Variants in CDH13 observed in about 807,000 individuals in gnomAD.
CDH13 encodes cadherin 13, also known as cadherin-13.
CDH13 carries 24 observed loss-of-function variants against 63.8 expected under a neutral mutation model. The ratio of observed to expected loss-of-function variants is 0.38; its 90% confidence interval spans 0.27 to 0.53. The LOEUF (loss-of-function observed/expected upper bound fraction) is 0.53, where lower values mean the gene tolerates loss of function less well. CDH13 is among the 20% of genes least tolerant of loss of function. The probability of loss-of-function intolerance (pLI) is 0.85; values close to 1 mark genes in which losing one functional copy is unlikely to be tolerated. For missense variants in CDH13, 1,049 were observed against 903.1 expected (o/e 1.16, Z -2.07); for synonymous variants, 503 against 355.3 (o/e 1.42, Z -4.67).
At chr16:83,189,733 A>G (rs540188275) in intron 4 of CDH13, among the ~76,000 whole-genome samples, 1 of 152,304 alleles carries the variant, frequency 6.6e-6, no homozygotes, top group Admixed American at 6.5e-5. Flanking sequence ...ATTAAAGGCA[A>G]GAGGAATCTT....
At chr16:83,667,038 GATGA>G (rs1914040256) in intron 8 of CDH13, among the ~76,000 whole-genome samples, 2 of 150,332 alleles carry the variant, frequency 1.3e-5, no homozygotes, top group African/African-American at 2.4e-5. Context: ...TGGGTGGATG[GATGA>G]ATGGAAGGAT....
At chr16:83,660,900 G>T (rs1275390985) in intron 8 of CDH13, among the ~76,000 whole-genome samples, 1 of 150,942 alleles carries the variant, frequency 6.6e-6, no homozygotes, top group Non-Finnish European at 1.5e-5. Context: ...AACGTCCAAT[G>T]AAATAAAGTA....
At chr16:82,848,043 A>C (rs1354455222) in intron 1 of CDH13, among the ~76,000 whole-genome samples, 1 of 152,212 alleles carries the variant, frequency 6.6e-6, no homozygotes, top group Non-Finnish European at 1.5e-5. Flanking sequence ...GCATTTATGC[A>C]GATTAAATAG....
intron 2 of CDH13, among the ~76,000 whole-genome samples, chr16:82,874,670 A>G (rs911561782): frequency 1.3e-5 from 2 of 152,224 alleles, no homozygotes; most frequent in Admixed American, 6.5e-5. Context: ...TTGATTCTGA[A>G]TAACATAAAA....
intron 2 of CDH13, among the ~76,000 whole-genome samples, chr16:82,976,753 A>G (rs1320281051): frequency 6.6e-6 from 1 of 152,196 alleles, no homozygotes; most frequent in East Asian, 1.9e-4. Flanking sequence ...GCTGAGCACG[A>G]AAATGCACTA....
chr16:83,358,436 A>G (rs1000376250), intron 6 of CDH13, among the ~76,000 whole-genome samples: 2 of 152,148 alleles, frequency 1.3e-5, no homozygotes, highest in African/African-American at 4.8e-5. Context: ...ATAAGACCTG[A>G]TTCTGTTGCC....
chr16:83,519,535 T>A (rs1249231665), intron 7 of CDH13, among the ~76,000 whole-genome samples: 1 of 152,252 alleles, frequency 6.6e-6, no homozygotes, highest in African/African-American at 2.4e-5. Context: ...CCACTTTAAC[T>A]ATAATACCTT....
Position 82,833,780 on chromosome 16 carries a change from T to G in CDH13, c.46-24582T>G, listed in dbSNP as rs1030123347. ...GAAGGAAGCCCTGGCTCTGTGCAAG[T>G]CCACAGTACAGCAGCTACTGGGGAG... On this transcript the variant is annotated intron_variant, in intron 1 of 13. Coordinates refer to ENST00000567109, the MANE Select transcript of CDH13 (RefSeq NM_001257.5). Among the ~76,000 whole-genome samples the G allele has an allele frequency of 7.9e-5, 12 of 152,150 alleles. 1 individual carries two copies. The highest frequency in any genetic ancestry group is 7.9e-4 in the Admixed American group (12 of 15,270).
intron 7 of CDH13, among the ~76,000 whole-genome samples, chr16:83,560,340 C>A (rs1309258044): frequency 2.0e-5 from 3 of 152,152 alleles, no homozygotes; most frequent in Non-Finnish European, 4.4e-5. Flanking sequence ...ACTACTCAGC[C>A]TTTAAAAAGG....
intron 10 of CDH13, among the ~76,000 whole-genome samples, chr16:83,720,385 C>T (rs1909532462): frequency 6.6e-6 from 1 of 152,130 alleles, no homozygotes; most frequent in South Asian, 2.1e-4. Context: ...TGGAGTTCAT[C>T]AATATTACAC....
chr16:83,098,756 T>A (rs1317402647), intron 3 of CDH13, among the ~76,000 whole-genome samples: 2 of 152,236 alleles, frequency 1.3e-5, no homozygotes, highest in Non-Finnish European at 2.9e-5. Flanking sequence ...GTGCCATGTG[T>A]CTTCTTCCCT....
intron 3 of CDH13, among the ~76,000 whole-genome samples, chr16:83,035,802 A>T (rs1916795074): frequency 6.6e-6 from 1 of 152,156 alleles, no homozygotes; most frequent in Non-Finnish European, 1.5e-5. Context: ...TTTCGTCTGT[A>T]ACATAGGGAT....
intron 5 of CDH13, among the ~76,000 whole-genome samples, chr16:83,228,777 A>G (rs1016006302): frequency 3.3e-5 from 5 of 152,196 alleles, no homozygotes; most frequent in Non-Finnish European, 5.9e-5. Flanking sequence ...GAGCTTAGAC[A>G]TGATACTCCT....
At chr16:82,849,770 C>T (rs775456910) in intron 1 of CDH13, among the ~76,000 whole-genome samples, 1 of 152,208 alleles carries the variant, frequency 6.6e-6, no homozygotes, top group Non-Finnish European at 1.5e-5. Flanking sequence ...AATGCTTATT[C>T]ACCATTGCAA....
chr16:83,123,559 G>T lies in CDH13; in HGVS notation c.367-1826G>T, dbSNP rs1320272021. On this transcript the variant is annotated intron_variant, in intron 3 of 13. Transcript: ENST00000567109. ...CTCCCAAAGGGCTGGGATTACAGGC[G>T]TGAGCCACTGCATCTGGCCCCACAT... Among the ~76,000 whole-genome samples, 5 of 152,092 alleles carry T rather than the reference G, an allele frequency of 3.3e-5. No homozygotes were observed. The East Asian group carries it at 7.7e-4, about 23-fold the overall frequency.
At chr16:82,721,985 C>G (rs1443517910) in intron 1 of CDH13, among the ~76,000 whole-genome samples, 1 of 152,158 alleles carries the variant, frequency 6.6e-6, no homozygotes, top group Non-Finnish European at 1.5e-5. Flanking sequence ...TCCCTACCCT[C>G]TCTCACTGAC....
intron 7 of CDH13, among the ~76,000 whole-genome samples, chr16:83,558,062 C>G (rs903157922): frequency 6.6e-6 from 1 of 152,174 alleles, no homozygotes; most frequent in African/African-American, 2.4e-5. Flanking sequence ...CCCAGCAATG[C>G]TCACACAGTC....
chr16:82,875,009 C>A (rs1006789776), intron 2 of CDH13, among the ~76,000 whole-genome samples: 1 of 152,110 alleles, frequency 6.6e-6, no homozygotes, highest in Admixed American at 6.6e-5. Flanking sequence ...TGGCCATACT[C>A]AAGAGGGAGA....
At chr16:83,590,370 G>A (rs988278932) in intron 7 of CDH13, among the ~76,000 whole-genome samples, 1 of 152,172 alleles carries the variant, frequency 6.6e-6, no homozygotes, top group Admixed American at 6.5e-5. Flanking sequence ...CAGGAGCACT[G>A]GATGAGCAGT....
Sources: gnomAD v4.1 joint callset for allele counts (sites outside exome capture counted in the v4.1 genomes callset) on GRCh38, gnomAD v4.1.1 for gene constraint, MANE v1.5 for transcripts, NCBI Gene and HGNC (gene_info 2026-07-23, HGNC 2026-07-21) for gene names.